DGKG: variants seen among roughly 807,000 people sequenced by gnomAD.
DGKG encodes DAG kinase gamma.
Under a neutral mutation model 105.3 loss-of-function variants are expected in DGKG, and 78 were observed. The ratio of observed to expected loss-of-function variants is 0.74; its 90% CI spans 0.62 to 0.89. The LOEUF is 0.89. DGKG is among the 40% of genes least tolerant of loss of function. DGKG has a pLI of 0.00. For missense variants in DGKG, 958 were observed against 1,020.1 expected (o/e 0.94, Z 0.83); for synonymous variants, 346 against 367.1 (o/e 0.94, Z 0.66).
intron 9 of DGKG, 21 bp from the exon 10 acceptor site, chr3:186,275,685 G>A (rs779873252): frequency 3.5e-5 from 55 of 1,592,858 alleles, no homozygotes; most frequent in Non-Finnish European, 4.7e-5. Flanking sequence ...AATAGGAGGT[G>A]AGACCCCAAG....
intron 21 of DGKG, among the ~76,000 whole-genome samples, chr3:186,192,288 G>A (rs921010305): frequency 6.6e-6 from 1 of 152,084 alleles, no homozygotes; most frequent in Non-Finnish European, 1.5e-5. Context: ...GGATCACAGG[G>A]GTGAGCCACC....
intron 23 of DGKG, among the ~76,000 whole-genome samples, chr3:186,164,382 G>A (rs1273787065): frequency 3.9e-5 from 6 of 152,176 alleles, no homozygotes; most frequent in Non-Finnish European, 1.5e-5. Context: ...AACCTGTGTG[G>A]TCCATCCCCT....
chr3:186,209,526 C>T (rs531594342), intron 21 of DGKG, among the ~76,000 whole-genome samples: 1 of 152,126 alleles, frequency 6.6e-6, no homozygotes, highest in African/African-American at 2.4e-5. Context: ...TGGTGGGGAA[C>T]TGAAGATGGC....
At chr3:186,348,418 C>A (rs775984827) in intron 1 of DGKG, among the ~76,000 whole-genome samples, 14 of 90,278 alleles carry the variant, frequency 1.6e-4, no homozygotes, top group Admixed American at 2.6e-4. Flanking sequence ...TTTTTCTGTA[C>A]AAATTACTGA....
At chr3:186,183,650 G>A (rs1355636611) in intron 22 of DGKG, among the ~76,000 whole-genome samples, 1 of 152,022 alleles carries the variant, frequency 6.6e-6, no homozygotes, top group Non-Finnish European at 1.5e-5. Flanking sequence ...CTACGACAAA[G>A]GCTGGGCTAG....
At chr3:186,262,227 A>AC (rs1269927544) in intron 14 of DGKG, among the ~76,000 whole-genome samples, 5 of 151,906 alleles carry the variant, frequency 3.3e-5, no homozygotes, top group African/African-American at 1.2e-4. Flanking sequence ...TTCCTCCTGA[A>AC]CCCTGGTCCC....
At chr3:186,201,048 T>C (rs575735306) in intron 21 of DGKG, among the ~76,000 whole-genome samples, 1 of 152,246 alleles carries the variant, frequency 6.6e-6, no homozygotes, top group African/African-American at 2.4e-5. Flanking sequence ...AAAACAAAAC[T>C]GCTGTTTCTC....
chr3:186,265,130 A>T, intron 14 of DGKG, 117 bp downstream of exon 14: 3 of 921,920 alleles, frequency 3.3e-6, no homozygotes, highest in Non-Finnish European at 5.2e-6. Context: ...TGGTATAATT[A>T]GTCAGATGAG....
chr3:186,262,289 A>C (rs1721815465), intron 14 of DGKG, among the ~76,000 whole-genome samples: 1 of 152,154 alleles, frequency 6.6e-6, no homozygotes. Context: ...TCTCACCATC[A>C]GTACAAGCTC....
intron 20 of DGKG, among the ~76,000 whole-genome samples, chr3:186,216,215 G>A (rs1719285020): frequency 6.6e-6 from 1 of 152,040 alleles, no homozygotes; most frequent in South Asian, 2.1e-4. Flanking sequence ...GGCCGGGCTG[G>A]TCTTGAACTC....
chr3:186,268,788 G>A lies in DGKG; in HGVS notation c.1116+13C>T. 3 of 1,596,300 alleles carry A rather than the reference G, an allele frequency of 1.9e-6. No homozygotes were observed. Among genetic ancestry groups the A allele is most frequent in the Non-Finnish European group, 1.7e-6 (2 of 1,164,986 alleles). ...GTTGAAAAGAAGCAGGGCCGCCCTG[G>A]GCGCCAACCCACCGTCATCCGGCAC... On this transcript the variant is annotated intron_variant, in intron 12 of 24. Transcript: ENST00000265022.
intron 1 of DGKG, among the ~76,000 whole-genome samples, chr3:186,346,382 A>C (rs1726332791): frequency 6.6e-6 from 1 of 152,178 alleles, no homozygotes; most frequent in African/African-American, 2.4e-5. Flanking sequence ...ATTCTAGTCT[A>C]CTAAAATATT....
intron 2 of DGKG, 79 bp from the exon 3 acceptor site, chr3:186,307,056 C>A (rs1724279923): frequency 2.0e-6 from 2 of 986,098 alleles, no homozygotes; most frequent in East Asian, 2.4e-5. Flanking sequence ...CCCTGTGTAA[C>A]CATGTTTATG....
chr3:186,293,720 A>G (rs536343054), intron 5 of DGKG, among the ~76,000 whole-genome samples: 85 of 152,296 alleles, frequency 5.6e-4, no homozygotes, highest in African/African-American at 1.9e-3. Flanking sequence ...TGAAATAAGA[A>G]TCTAAGCTCT....
intron 24 of DGKG, among the ~76,000 whole-genome samples, chr3:186,153,288 T>C (rs1054939266): frequency 8.5e-5 from 13 of 152,088 alleles, no homozygotes; most frequent in African/African-American, 3.1e-4. Context: ...GGTAAAATAG[T>C]TATGATCCTA....
At chr3:186,271,069 C>A (rs1238414271) in intron 11 of DGKG, among the ~76,000 whole-genome samples, 1 of 152,160 alleles carries the variant, frequency 6.6e-6, no homozygotes, top group African/African-American at 2.4e-5. Context: ...CTAGGAGGTG[C>A]CTTTCTCTAC....
At chr3:186,347,211 G>A (rs1726379206) in intron 1 of DGKG, among the ~76,000 whole-genome samples, 1 of 152,032 alleles carries the variant, frequency 6.6e-6, no homozygotes, top group African/African-American at 2.4e-5. Flanking sequence ...CACTTTGGGA[G>A]GCCGAGGCGG....
chr3:186,297,796 A>C lies in DGKG; in HGVS notation c.310+268T>G, dbSNP rs569069237. On this transcript the variant is annotated intron_variant, in intron 4 of 24. Coordinates refer to ENST00000265022, the MANE Select transcript of DGKG (RefSeq NM_001346.3). ...TTGCTGAAGGCTCTCTTCCCCCACC[A>C]TACATTATTTTGTGTCTCCTCTTTC... 5.9e-5 allele frequency among the ~76,000 whole-genome samples: 9 copies of C among 152,168 alleles called. No individual in the cohort carries two copies. In the East Asian group the frequency reaches 1.2e-3, roughly 20 times the overall value.
Position 186,147,272 on chromosome 3 carries a change from G to A in DGKG, c.*2818C>T, listed in dbSNP as rs1715548769. The A allele has an allele frequency of 2.0e-6, 2 of 985,888 alleles. No homozygotes were observed. Among genetic ancestry groups the A allele is most frequent in the South Asian group, 4.7e-5 (1 of 21,292 alleles). The allele number at this position is 985,888 out of a possible 1,614,324, so 61.1% of individuals were successfully genotyped here. A position where few individuals can be genotyped will look rare whatever the true frequency, so the allele number is the denominator to read the frequency against. On this transcript the variant is annotated 3_prime_UTR_variant, in exon 25 of 25. Transcript: ENST00000265022. The stretch of plus-strand genomic sequence containing the variant: ...GCAGGTGAGAACATGTTTGTAGCAT[G>A]GCCAGAATCAGAATAAGATAAGAAA...
Sources: gnomAD v4.1 joint callset for allele counts (sites outside exome capture counted in the v4.1 genomes callset) on GRCh38, gnomAD v4.1.1 for gene constraint, MANE v1.5 for transcripts, NCBI Gene and HGNC (gene_info 2026-07-23, HGNC 2026-07-21) for gene names.